CDH22: variants seen among roughly 807,000 people sequenced by gnomAD.
CDH22 encodes cadherin 22.
In CDH22, 30 loss-of-function variants were observed where a neutral mutation model predicts 58.4. The observed-to-expected ratio is 0.51, with a 90% CI of 0.38 to 0.70. The LOEUF is 0.70. Among genes scored for constraint, CDH22 ranks in the 30% least tolerant of loss-of-function variants. The pLI, the probability that CDH22 is intolerant of heterozygous loss-of-function variation, is 0.00. For synonymous variants in CDH22, 513 were observed against 558.2 expected (o/e 0.92, Z 1.14); for missense variants, 1,014 against 1,233.9 (o/e 0.82, Z 2.67).
intron 1 of CDH22, among the ~76,000 whole-genome samples, chr20:46,253,441 C>T (rs1228666914): frequency 2.6e-5 from 4 of 152,044 alleles, no homozygotes; most frequent in Non-Finnish European, 2.9e-5. Flanking sequence ...CTGGAACACG[C>T]TGTTCCCTCT....
chr20:46,303,826 G>A (rs2086662831), intron 1 of CDH22, among the ~76,000 whole-genome samples: 1 of 152,144 alleles, frequency 6.6e-6, no homozygotes, highest in African/African-American at 2.4e-5. Context: ...GCAATGGGGA[G>A]CCATGGAAGG....
At chr20:46,181,771 C>CTTTCTTTCTTTCTTTCTTTCTTTCTTTCT in intron 10 of CDH22, among the ~76,000 whole-genome samples, 1 of 125,500 alleles carries the variant, frequency 8.0e-6, no homozygotes, top group African/African-American at 3.0e-5. Flanking sequence ...TTCTTTCTTT[C>CTTTCTTTCTTTCTTTCTTTCTTTCTTTCT]TTTCTTTCTT....
At chr20:46,258,300 C>A (rs182134875) in intron 1 of CDH22, among the ~76,000 whole-genome samples, 97 of 152,200 alleles carry the variant, frequency 6.4e-4, no homozygotes, top group African/African-American at 2.1e-3. Flanking sequence ...CCCCCACCCC[C>A]CAACCGCATC....
At chr20:46,199,284 C>A in intron 8 of CDH22, 139 bp downstream of exon 8, 1 of 1,023,186 alleles carries the variant, frequency 9.8e-7, no homozygotes, top group Non-Finnish European at 1.4e-6. Flanking sequence ...TTCGCACCAT[C>A]CCCAACCTTT....
At chr20:46,262,209 G>A (rs2086436322) in intron 1 of CDH22, among the ~76,000 whole-genome samples, 2 of 151,136 alleles carry the variant, frequency 1.3e-5, no homozygotes, top group Non-Finnish European at 2.9e-5. Context: ...GTATTTGTGT[G>A]TGTGTGTGTT....
intron 4 of CDH22, among the ~76,000 whole-genome samples, chr20:46,223,963 C>T (rs1003696874): frequency 5.3e-5 from 8 of 152,056 alleles, no homozygotes; most frequent in Admixed American, 4.6e-4. Context: ...AGGCAATTCT[C>T]CTGCCTCAAC....
At chr20:46,298,632 A>G (rs2086638575) in intron 1 of CDH22, among the ~76,000 whole-genome samples, 1 of 151,922 alleles carries the variant, frequency 6.6e-6, no homozygotes, top group South Asian at 2.1e-4. Flanking sequence ...GGATGGATTG[A>G]TGAATGGGTG....
intron 1 of CDH22, among the ~76,000 whole-genome samples, chr20:46,294,775 A>G (rs1600729522): frequency 6.6e-6 from 1 of 152,216 alleles, no homozygotes; most frequent in Non-Finnish European, 1.5e-5. Context: ...AGAAGGGAAG[A>G]GGACAACTGA....
intron 1 of CDH22, among the ~76,000 whole-genome samples, chr20:46,304,939 TG>T (rs2086667728): frequency 6.6e-6 from 1 of 152,192 alleles, no homozygotes; most frequent in Admixed American, 6.5e-5. Flanking sequence ...AGCCTGTCTT[TG>T]GGGCACCTGA....
In CDH22 at chr20:46,193,932, T is replaced by C. The variant is rs139514921; in HGVS notation, c.1423+5491A>G. ...GCTTTGGGAGGCCAAGGTGGGAGGA[T>C]TGCTTGAGCCCAGGAGTTGGACACA... On this transcript the variant is annotated intron_variant, in intron 8 of 11. Transcript: ENST00000537909. Among the ~76,000 whole-genome samples the C allele has an allele frequency of 8.0e-3, 1,224 of 152,204 alleles. 19 individuals are homozygous for C. Among genetic ancestry groups the C allele is most frequent in the African/African-American group, 0.028 (1,179 of 41,518 alleles).
At chr20:46,198,472 C>T (rs572159858) in intron 8 of CDH22, among the ~76,000 whole-genome samples, 27 of 152,280 alleles carry the variant, frequency 1.8e-4, no homozygotes, top group Middle Eastern at 3.4e-3. Flanking sequence ...TTCTCACCTC[C>T]TCCTCCCCTC....
chr20:46,212,126 T>C (rs2086047569), intron 6 of CDH22, among the ~76,000 whole-genome samples: 1 of 152,344 alleles, frequency 6.6e-6, no homozygotes, highest in African/African-American at 2.4e-5. Flanking sequence ...CATTATGTGC[T>C]TGCTGAGCAA....
intron 1 of CDH22, among the ~76,000 whole-genome samples, chr20:46,260,655 T>C (rs539987503): frequency 3.3e-4 from 50 of 152,326 alleles, no homozygotes; most frequent in African/African-American, 1.1e-3. Flanking sequence ...TTGCCAGCTG[T>C]GGGCATCACT....
At position 46,175,666 on chromosome 20, in the gene CDH22, A is replaced by G. The variant is rs564268765; in HGVS notation, c.1916-589T>C. On this transcript the variant is annotated intron_variant, in intron 11 of 11. Coordinates refer to ENST00000537909, the MANE Select transcript of CDH22 (RefSeq NM_021248.3). ...AGGACGGGGCTCCTTCCTCTATCAT[A>G]CTGGTTCTCAAAGTGCGGCCCCTGG... Among the ~76,000 whole-genome samples, 23 of 152,248 alleles carry G rather than the reference A, an allele frequency of 1.5e-4. No homozygotes were observed. The South Asian group carries it at 4.8e-3, about 32-fold the overall frequency.
At chr20:46,215,467 C>T (rs146889802) in intron 5 of CDH22, among the ~76,000 whole-genome samples, 142 of 152,218 alleles carry the variant, frequency 9.3e-4, no homozygotes, top group Middle Eastern at 6.8e-3. Context: ...GTGATGCCTG[C>T]GTAGATGAAC....
chr20:46,186,758 G>A (rs563859195), intron 9 of CDH22, 53 bp from the exon 10 acceptor site: 3 of 1,602,304 alleles, frequency 1.9e-6, no homozygotes, highest in East Asian at 4.5e-5. Context: ...GACCACTCTG[G>A]GTCGAGGTAG....
intron 10 of CDH22, among the ~76,000 whole-genome samples, chr20:46,182,234 T>A (rs1009458411): frequency 1.3e-5 from 2 of 152,166 alleles, no homozygotes; most frequent in Non-Finnish European, 2.9e-5. Context: ...TTGAGCATCA[T>A]CTCTCTGTCA....
chr20:46,224,520 C>G (rs989734721), intron 4 of CDH22, among the ~76,000 whole-genome samples: 13 of 152,182 alleles, frequency 8.5e-5, no homozygotes, highest in African/African-American at 1.4e-4. Flanking sequence ...GCTAGAAGTT[C>G]TAGGTGTTTC....
Position 46,174,798 on chromosome 20 carries a change from G to A in CDH22, c.2195C>T (p.Ser732Leu), listed in dbSNP as rs771107358. The A allele has an allele frequency of 1.3e-6, 2 of 1,492,712 alleles. No homozygotes were observed. Among genetic ancestry groups the A allele is most frequent in the East Asian group, 2.8e-5 (1 of 35,208 alleles). The allele number at this position is 1,492,712 out of a possible 1,614,324, so 92.5% of individuals were successfully genotyped here. A position where few individuals can be genotyped will look rare whatever the true frequency, so the allele number is the denominator to read the frequency against. Residue 732 changes from serine to leucine, a missense_variant, in exon 12 of 12, where the codon TCG (serine) becomes TTG (leucine). By Grantham distance (145) the Ser-to-Leu change is moderately radical. This residue lies in a region of CDH22 where 208 missense variants were observed against 195.2 expected (regional missense o/e 1.07). Transcript: ENST00000537909. The surrounding 1 kb of genome is among the most constrained non-coding windows in gnomAD (Gnocchi z 4.4). ...GGGGCTCGGCGGCCCCTGCGGCAGC[G>A]AGTGGCGCTCGGAGGGCAGGTGGGC... The part of the protein sequence containing the change: ...PQAHLPSERH[S>L]LPQGPPSPEP...
Sources: allele counts gnomAD v4.1 joint callset (sites outside exome capture counted in the v4.1 genomes callset), GRCh38; gene constraint gnomAD v4.1.1; regional missense constraint gnomAD v4.1.1; non-coding constraint Gnocchi (gnomAD v3.1); transcripts MANE v1.5; gene names NCBI Gene and HGNC (gene_info 2026-07-23, HGNC 2026-07-21).